Variants in ITGAL observed in about 807,000 individuals in gnomAD.
ITGAL encodes integrin alpha-L.
Under a neutral mutation model 138.4 loss-of-function variants are expected in ITGAL, and 68 were observed. The observed-to-expected ratio is 0.49, with a 90% confidence interval of 0.40 to 0.60. ITGAL has a LOEUF of 0.60. Among genes scored for constraint, ITGAL ranks in the 20% least tolerant of loss-of-function variants. The pLI, the probability that ITGAL is intolerant of heterozygous loss-of-function variation, is 0.00. For missense variants in ITGAL, 1,256 were observed against 1,478.6 expected (o/e 0.85, Z 2.47); for synonymous variants, 561 against 584.3 (o/e 0.96, Z 0.57).
At chr16:30,505,177 CCTT>C in intron 18 of ITGAL, 64 bp from the exon 19 acceptor site, 1 of 1,440,386 alleles carries the variant, frequency 6.9e-7, no homozygotes, top group Non-Finnish European at 9.3e-7. Context: ...CTCCAGCTCT[CCTT>C]CATGAGGTCT....
chr16:30,512,689 A>G (rs966429279), intron 24 of ITGAL, among the ~76,000 whole-genome samples: 2 of 151,480 alleles, frequency 1.3e-5, no homozygotes, highest in African/African-American at 4.9e-5. Context: ...TCAGGTCTCT[A>G]GTGCTTTTTA....
intron 18 of ITGAL, chr16:30,505,018 TA>T (rs5816509): frequency 0.1 from 26,044 of 248,142 alleles, 22 homozygotes; most frequent in East Asian, 0.18. Context: ...AAGACAGTCT[TA>T]AAAAAAAAAA....
rs58908720 is a variant in ITGAL at position 30,493,245 on chromosome 16, CATTTT to C, written c.1214-932_1214-928del. On this transcript the variant is annotated intron_variant, in intron 11 of 30. Coordinates refer to ENST00000356798, the MANE Select transcript of ITGAL (RefSeq NM_002209.3). ...TTGCATTCTTCTGACTAATATATAC[CATTTT>C]ATTTTATTTTATTTTATTTTATTTT... Among the ~76,000 whole-genome samples, 620 of 139,820 alleles carry C rather than the reference CATTTT, an allele frequency of 4.4e-3. 3 individuals are homozygous for C. The highest frequency in any genetic ancestry group is 8.8e-3 in the Admixed American group (124 of 14,044). 91.7% of individuals were successfully genotyped at this position (139,820 alleles called of 152,430 possible). A position where few individuals can be genotyped will look rare whatever the true frequency, so the allele number is the denominator to read the frequency against.
Position 30,474,208 on chromosome 16 carries a change from G to A in ITGAL, c.74G>A (p.Ser25Asn). 6.2e-7 allele frequency: 1 copy of A among 1,605,530 alleles called. No individual in the cohort carries two copies. Among genetic ancestry groups the A allele is most frequent in the Non-Finnish European group, 8.5e-7 (1 of 1,176,462 alleles). ...SGFFFFAPAS[S>N]YNLDVRGARS... ...TTGCCTTCCTCAGCGCCGGCCTCGA[G>A]CTACAACCTGGACGTGCGGGGCGCG... The change falls in exon 2 of 31, where the codon AGC (serine) becomes AAC (asparagine). Residue 25 changes from serine (S) to asparagine (N), a missense_variant. Ser to Asn is a conservative substitution (Grantham distance 46, BLOSUM62 1). This residue lies in a region of ITGAL where 212 missense variants were observed against 217.4 expected (regional missense o/e 0.98). Transcript: ENST00000356798.
intron 21 of ITGAL, among the ~76,000 whole-genome samples, chr16:30,508,924 C>A (rs547149349): frequency 6.6e-6 from 1 of 152,006 alleles, no homozygotes; most frequent in East Asian, 1.9e-4. Context: ...CGCCTGTAAT[C>A]CCAGTACTTT....
At chr16:30,497,189 A>G (rs1440625901) in intron 15 of ITGAL, among the ~76,000 whole-genome samples, 1 of 151,904 alleles carries the variant, frequency 6.6e-6, no homozygotes, top group Admixed American at 6.6e-5. Flanking sequence ...CTAAAAATAC[A>G]AAAATTAGCC....
At chr16:30,488,885 AAAAC>A (rs2050684357) in intron 9 of ITGAL, 193 bp from the exon 10 acceptor site, 1 of 576,320 alleles carries the variant, frequency 1.7e-6, no homozygotes, top group African/African-American at 1.9e-5. Context: ...TCAACAACAA[AAAAC>A]AAACAAATCT....
chr16:30,475,690 A>C, intron 4 of ITGAL, 110 bp downstream of exon 4: 1 of 775,836 alleles, frequency 1.3e-6, no homozygotes, highest in South Asian at 1.4e-5. Flanking sequence ...GGTCAAAGGC[A>C]TCAGAGTCAA....
chr16:30,512,852 C>T (rs149498838), intron 24 of ITGAL, among the ~76,000 whole-genome samples: 3 of 152,170 alleles, frequency 2.0e-5, no homozygotes, highest in African/African-American at 7.2e-5. Context: ...AGGTGCCTGC[C>T]ACCATGCCCA....
intron 4 of ITGAL, among the ~76,000 whole-genome samples, chr16:30,477,872 G>GTGAGACCT (rs2050493595): frequency 6.6e-6 from 1 of 151,002 alleles, no homozygotes; most frequent in Admixed American, 6.6e-5. Flanking sequence ...GGTGATGGGA[G>GTGAGACCT]TGAGACCTGA....
At chr16:30,519,395 A>G (rs2051217716) in intron 29 of ITGAL, among the ~76,000 whole-genome samples, 1 of 152,122 alleles carries the variant, frequency 6.6e-6, no homozygotes, top group South Asian at 2.1e-4. Flanking sequence ...AAAAAAAAAA[A>G]ATCAATCTGA....
intron 9 of ITGAL, among the ~76,000 whole-genome samples, chr16:30,485,659 G>A (rs147329041): frequency 1.4e-3 from 204 of 151,004 alleles, no homozygotes; most frequent in East Asian, 2.3e-3. Flanking sequence ...CTACAGGTGT[G>A]TGATACCACA....
At chr16:30,506,966 G>A in intron 21 of ITGAL, 110 bp downstream of exon 21, 2 of 1,223,166 alleles carry the variant, frequency 1.6e-6, no homozygotes, top group Non-Finnish European at 2.3e-6. Flanking sequence ...GCTGCGGGTG[G>A]ACAGGGGTCT....
intron 27 of ITGAL, 45 bp downstream of exon 27, chr16:30,517,750 G>T: frequency 6.2e-7 from 1 of 1,612,574 alleles, no homozygotes; most frequent in East Asian, 2.2e-5. Flanking sequence ...GGCGGTACAC[G>T]GGTCGGAATG....
chr16:30,479,193 C>T lies in ITGAL; in HGVS notation c.430C>T (p.Arg144Cys), dbSNP rs146416180. Residue 144 changes from arginine (R) to cysteine (C), a missense_variant, in exon 5 of 31, where the codon CGC (arginine) becomes TGC (cysteine). By Grantham distance (180) the Arg-to-Cys change is radical (BLOSUM62 -3). Around this residue, in one of 3 missense-constraint regions of ITGAL, gnomAD observed 212 missense variants for 217.4 expected, o/e 0.98. Coordinates refer to ENST00000356798, the MANE Select transcript of ITGAL (RefSeq NM_002209.3). The part of the protein sequence containing the change: ...QNLQGPMLQG[R>C]PGFQECIKGN... ...TCTGCAGGGTCCCATGCTGCAGGGGCGCCCTGGTTTTCAGGGTAAGGAACT... is the reference window on the plus strand; with the variant it reads ...TCTGCAGGGTCCCATGCTGCAGGGGTGCCCTGGTTTTCAGGGTAAGGAACT... 2.1e-5 allele frequency: 34 copies of T among 1,613,822 alleles called. No individual in the cohort carries two copies. The highest frequency in any genetic ancestry group is 1.6e-4 in the Middle Eastern group (1 of 6,084).
At chr16:30,513,633 G>A in intron 24 of ITGAL, 138 bp from the exon 25 acceptor site, 1 of 657,544 alleles carries the variant, frequency 1.5e-6, no homozygotes, top group Admixed American at 2.5e-5. Flanking sequence ...TAGTTTCTGG[G>A]AAAGAGCAGG....
intron 11 of ITGAL, among the ~76,000 whole-genome samples, chr16:30,489,596 TC>T (rs1235724444): frequency 6.6e-6 from 1 of 152,162 alleles, no homozygotes; most frequent in Non-Finnish European, 1.5e-5. Flanking sequence ...AGACTACCTC[TC>T]CCAGGGTAGG....
chr16:30,494,911 A>T lies in ITGAL; in HGVS notation c.1503+61A>T, dbSNP rs991106309. ...AGAGCAGCAGAGATTCGCAGCTCCC[A>T]GTTATTCTGAAGGCTTTCTCTGTCT... On this transcript the variant is annotated intron_variant, in intron 13 of 30. Coordinates refer to ENST00000356798, the MANE Select transcript of ITGAL (RefSeq NM_002209.3). This position sits in a 1 kb window ranked among gnomAD's most constrained non-coding sequence, Gnocchi z 4.2. 16 of 1,510,012 alleles carry T rather than the reference A, an allele frequency of 1.1e-5. No individual in the cohort carries two copies. In the South Asian group the frequency reaches 1.7e-4, roughly 16 times the overall value. 93.5% of individuals were successfully genotyped at this position (1,510,012 alleles called of 1,614,324 possible).
At position 30,499,713 on chromosome 16, in the gene ITGAL, G is replaced by GTA. The variant is rs1264687976; in HGVS notation, c.2145+244_2145+245dup. ...TATATATATGTGTATATATATATAT[G>GTA]TATATATATATATATATATATTTTT... On this transcript the variant is annotated intron_variant, in intron 17 of 30. Coordinates refer to ENST00000356798, the MANE Select transcript of ITGAL (RefSeq NM_002209.3). Among the ~76,000 whole-genome samples the GTA allele has an allele frequency of 5.7e-4, 59 of 103,218 alleles. 1 individual carries two copies. The highest frequency in any genetic ancestry group is 1.6e-3 in the African/African-American group (35 of 22,188). 67.7% of individuals were successfully genotyped at this position (103,218 alleles called of 152,430 possible). A position where few individuals can be genotyped will look rare whatever the true frequency, so the allele number is the denominator to read the frequency against.
Sources: gnomAD v4.1 joint callset for allele counts (sites outside exome capture counted in the v4.1 genomes callset) on GRCh38, gnomAD v4.1.1 for gene constraint, gnomAD v4.1.1 regional missense constraint, Gnocchi (gnomAD v3.1) non-coding constraint, MANE v1.5 for transcripts, NCBI Gene and HGNC (gene_info 2026-07-23, HGNC 2026-07-21) for gene names.